TAFA2: variants seen among roughly 807,000 people sequenced by gnomAD.
TAFA2 encodes chemokine-like protein TAFA-2.
Under a neutral mutation model 18.8 loss-of-function variants are expected in TAFA2, and 7 were observed. That is an observed-to-expected ratio of 0.37 (90% confidence interval 0.21 to 0.70). TAFA2 has a LOEUF of 0.70. Ranked by LOEUF, TAFA2 falls within the 30% of genes least tolerant of loss-of-function variation. TAFA2 has a pLI of 0.53. For missense variants in TAFA2, 122 were observed against 158.1 expected (o/e 0.77, Z 1.23); for synonymous variants, 60 against 54.2 (o/e 1.11, Z -0.47).
intron 4 of TAFA2, among the ~76,000 whole-genome samples, chr12:61,729,338 T>A (rs1870330210): frequency 6.6e-6 from 1 of 151,924 alleles, no homozygotes; most frequent in Non-Finnish European, 1.5e-5. Context: ...AAGTTTTAGA[T>A]TTCTTCCTTG....
At chr12:61,980,236 CT>C (rs1260145415) in intron 1 of TAFA2, among the ~76,000 whole-genome samples, 26 of 151,942 alleles carry the variant, frequency 1.7e-4, no homozygotes, top group African/African-American at 5.6e-4. Flanking sequence ...AGAAAAGTCC[CT>C]CGACAAAATT....
intron 1 of TAFA2, among the ~76,000 whole-genome samples, chr12:61,997,283 G>C (rs145403184): frequency 0.023 from 3,534 of 151,780 alleles, 75 homozygotes; most frequent in Middle Eastern, 0.11. Context: ...ATCAGAGAAG[G>C]GTTCTATAGA....
chr12:61,800,739 T>C (rs988567367), intron 2 of TAFA2, among the ~76,000 whole-genome samples: 1 of 151,994 alleles, frequency 6.6e-6, no homozygotes, highest in African/African-American at 2.4e-5. Flanking sequence ...AGGAGATAGG[T>C]AGGCAACTAT....
chr12:62,000,207 T>G (rs1880334678), intron 1 of TAFA2, among the ~76,000 whole-genome samples: 1 of 114,336 alleles, frequency 8.7e-6, no homozygotes, highest in Admixed American at 1.2e-4. Context: ...ATTAGCATTC[T>G]AATGCATACT....
At chr12:62,146,188 C>A (rs546240756) in intron 1 of TAFA2, among the ~76,000 whole-genome samples, 5 of 152,172 alleles carry the variant, frequency 3.3e-5, no homozygotes, top group Middle Eastern at 6.8e-3. Flanking sequence ...TCTCATCTCA[C>A]CTCAAGAAGG....
At chr12:62,183,487 A>G (rs1239842380) in intron 1 of TAFA2, among the ~76,000 whole-genome samples, 1 of 152,146 alleles carries the variant, frequency 6.6e-6, no homozygotes, top group African/African-American at 2.4e-5. Flanking sequence ...GGGCTCAAGC[A>G]AACCTCCCAC....
chr12:61,923,357 C>T (rs1186271388), intron 1 of TAFA2, among the ~76,000 whole-genome samples: 1 of 152,162 alleles, frequency 6.6e-6, no homozygotes, highest in Non-Finnish European at 1.5e-5. Context: ...TGGCATATGG[C>T]AGGTCCCCCT....
intron 2 of TAFA2, among the ~76,000 whole-genome samples, chr12:61,843,924 G>A (rs1341146247): frequency 6.6e-6 from 1 of 152,104 alleles, no homozygotes; most frequent in African/African-American, 2.4e-5. Context: ...GCTTCCAAGT[G>A]TTTGTTCAGT....
At chr12:62,116,299 G>A (rs1256574882) in intron 1 of TAFA2, among the ~76,000 whole-genome samples, 2 of 152,194 alleles carry the variant, frequency 1.3e-5, no homozygotes, top group Admixed American at 1.3e-4. Context: ...ACAGAGGAAA[G>A]CCTGTGTGAG....
Position 61,715,878 on chromosome 12 carries a change from A to G in TAFA2, c.385-5461T>C, listed in dbSNP as rs533148761. ...TCTATAGTGAGCTATGATCTTGCCA[A>G]TGCACTCCAGCCTGGATGACACAAT... On this transcript the variant is annotated intron_variant, in intron 4 of 4. Coordinates refer to ENST00000416284, the MANE Select transcript of TAFA2 (RefSeq NM_178539.5). Among the ~76,000 whole-genome samples, 18 of 152,110 alleles carry G rather than the reference A, an allele frequency of 1.2e-4. No homozygotes were observed. In the South Asian group the frequency reaches 3.5e-3, roughly 30 times the overall value.
At chr12:62,000,900 T>C (rs1352119482) in intron 1 of TAFA2, among the ~76,000 whole-genome samples, 1 of 152,216 alleles carries the variant, frequency 6.6e-6, no homozygotes, top group Non-Finnish European at 1.5e-5. Flanking sequence ...TGCAGAATAG[T>C]AATTACCTGT....
intron 1 of TAFA2, among the ~76,000 whole-genome samples, chr12:61,927,418 T>G (rs892595072): frequency 6.6e-6 from 1 of 152,006 alleles, no homozygotes; most frequent in Non-Finnish European, 1.5e-5. Flanking sequence ...TCACAATAGC[T>G]ACAAAGAGAA....
chr12:62,011,624 G>T (rs1207464100), intron 1 of TAFA2, among the ~76,000 whole-genome samples: 1 of 151,878 alleles, frequency 6.6e-6, no homozygotes, highest in Non-Finnish European at 1.5e-5. Context: ...AGGCCGCAGG[G>T]ACCTCTGCCT....
At chr12:62,224,494 T>C (rs2062777897) in intron 1 of TAFA2, among the ~76,000 whole-genome samples, 1 of 152,042 alleles carries the variant, frequency 6.6e-6, no homozygotes, top group Non-Finnish European at 1.5e-5. Context: ...GGTCTCTTAA[T>C]AGGGGCACTA....
intron 1 of TAFA2, among the ~76,000 whole-genome samples, chr12:61,941,742 G>A (rs1007333658): frequency 6.6e-6 from 1 of 151,698 alleles, no homozygotes; most frequent in Non-Finnish European, 1.5e-5. Flanking sequence ...GCGCTTTTCA[G>A]ACCGGCTTAA....
At chr12:61,867,498 G>A (rs1874409820) in intron 1 of TAFA2, 72 bp from the exon 2 acceptor site, 4 of 897,588 alleles carry the variant, frequency 4.5e-6, no homozygotes, top group Non-Finnish European at 3.5e-6. Context: ...TGTGCTACAT[G>A]TAAAGCCTTC....
At chr12:62,084,120 G>C (rs952858516) in intron 1 of TAFA2, among the ~76,000 whole-genome samples, 9 of 152,134 alleles carry the variant, frequency 5.9e-5, no homozygotes, top group African/African-American at 2.2e-4. Flanking sequence ...TAAGCAAAGA[G>C]AAACAAAATC....
intron 1 of TAFA2, among the ~76,000 whole-genome samples, chr12:62,132,317 T>C (rs927225901): frequency 6.6e-6 from 1 of 150,554 alleles, no homozygotes; most frequent in Admixed American, 6.6e-5. Flanking sequence ...AAAAAATGAG[T>C]TTCCAGGAGA....
intron 1 of TAFA2, among the ~76,000 whole-genome samples, chr12:61,978,570 C>T (rs369001547): frequency 3.3e-5 from 5 of 152,078 alleles, no homozygotes; most frequent in South Asian, 4.2e-4. Context: ...TACACATGCC[C>T]GCACACATTA....
Sources: allele counts gnomAD v4.1 joint callset (sites outside exome capture counted in the v4.1 genomes callset), GRCh38; gene constraint gnomAD v4.1.1; transcripts MANE v1.5; gene names NCBI Gene and HGNC (gene_info 2026-07-23, HGNC 2026-07-21).